SLC35A5: variants seen among roughly 807,000 people sequenced by gnomAD.
SLC35A5 encodes UDP-sugar transporter protein SLC35A5.
SLC35A5 carries 28 observed loss-of-function variants against 36.3 expected under a neutral mutation model. The observed-to-expected ratio is 0.77, with a 90% confidence interval of 0.57 to 1.06. SLC35A5 has a LOEUF of 1.06. SLC35A5 is among the 50% of genes least tolerant of loss of function. SLC35A5 has a pLI of 0.00. For synonymous variants in SLC35A5, 180 were observed against 173.7 expected (o/e 1.04, Z -0.29); for missense variants, 521 against 499.3 (o/e 1.04, Z -0.41).
intron 2 of SLC35A5, among the ~76,000 whole-genome samples, chr3:112,565,866 C>A (rs568734715): frequency 1.3e-5 from 2 of 152,242 alleles, no homozygotes; most frequent in Admixed American, 1.3e-4. Context: ...TTAAGGACTT[C>A]ATATTCCATG....
intron 2 of SLC35A5, among the ~76,000 whole-genome samples, chr3:112,568,910 C>T (rs549967256): frequency 2.0e-5 from 3 of 152,272 alleles, no homozygotes; most frequent in African/African-American, 7.2e-5. Context: ...GTCCTAGCCT[C>T]CTTAATGTAT....
chr3:112,580,876 A>G lies in SLC35A5; in HGVS notation c.759A>G (p.Ile253Met). 1 of 1,614,182 alleles carries G rather than the reference A, an allele frequency of 6.2e-7. No individual in the cohort carries two copies. The highest frequency in any genetic ancestry group is 8.5e-7 in the Non-Finnish European group (1 of 1,180,002). Reference sequence around the variant, plus strand: ...TGGCTAATATCTATAATGAAAAGATACTGAAGGAAGGGAACCAGCTCACTG... The same window carrying G: ...TGGCTAATATCTATAATGAAAAGATGCTGAAGGAAGGGAACCAGCTCACTG... Reference protein sequence around the residue: ...SSMANIYNEKILKEGNQLTES... With the variant: ...SSMANIYNEKMLKEGNQLTES... The change falls in exon 6 of 7, where the codon ATA becomes ATG. Residue 253 changes from isoleucine to methionine, a missense_variant. Coordinates refer to ENST00000492406, the MANE Select transcript of SLC35A5 (RefSeq NM_017945.5).
intron 5 of SLC35A5, among the ~76,000 whole-genome samples, chr3:112,578,609 C>T (rs2107443905): frequency 6.6e-6 from 1 of 152,242 alleles, no homozygotes. Flanking sequence ...ATTTATTAAG[C>T]TTTATTTTCT....
At position 112,580,914 on chromosome 3, in the gene SLC35A5, T is replaced by C. The variant is rs778077827; in HGVS notation, c.797T>C (p.Ile266Thr). The change falls in exon 6 of 7, where the codon ATA (isoleucine) becomes ACA (threonine). Residue 266 changes from isoleucine to threonine, a missense_variant. Transcript: ENST00000492406. ...AACCAGCTCACTGAAAGCATCTTCA[T>C]ACAGAACAGCAAACTCTATTTCTTT... ...EGNQLTESIF[I>T]QNSKLYFFGI... is the part of the protein sequence containing the mutation. 22 of 1,614,038 alleles carry C rather than the reference T, an allele frequency of 1.4e-5. No homozygotes were observed. The South Asian group carries it at 2.4e-4, about 18-fold the overall frequency.
At chr3:112,568,901 T>G (rs1934313374) in intron 2 of SLC35A5, among the ~76,000 whole-genome samples, 1 of 152,192 alleles carries the variant, frequency 6.6e-6, no homozygotes, top group Non-Finnish European at 1.5e-5. Flanking sequence ...TTGCCCTTAG[T>G]CCTAGCCTCC....
chr3:112,576,284 C>T (rs1328530254), intron 5 of SLC35A5, among the ~76,000 whole-genome samples: 7 of 152,018 alleles, frequency 4.6e-5, no homozygotes, highest in African/African-American at 7.3e-5. Context: ...CGTGCCACCA[C>T]GCCTGGCTAA....
chr3:112,582,605 G>T, intron 6 of SLC35A5, 66 bp from the exon 7 acceptor site: 1 of 142,276 alleles, frequency 7.0e-6, no homozygotes, highest in Non-Finnish European at 1.2e-5. Context: ...TGTTAGTAAG[G>T]TTTTCCCTTT....
At chr3:112,581,941 C>T (rs911846224) in intron 6 of SLC35A5, among the ~76,000 whole-genome samples, 1 of 152,250 alleles carries the variant, frequency 6.6e-6, no homozygotes, top group Middle Eastern at 3.4e-3. Flanking sequence ...AATGCTTATG[C>T]AATTATTCCG....
At chr3:112,581,811 C>T (rs1013962278) in intron 6 of SLC35A5, among the ~76,000 whole-genome samples, 3 of 152,174 alleles carry the variant, frequency 2.0e-5, no homozygotes, top group Non-Finnish European at 4.4e-5. Flanking sequence ...GCTCCTCAGT[C>T]CTCCCTGTGG....
At chr3:112,578,389 A>G (rs749050753) in intron 5 of SLC35A5, among the ~76,000 whole-genome samples, 14 of 152,226 alleles carry the variant, frequency 9.2e-5, no homozygotes, top group Non-Finnish European at 1.9e-4. Context: ...TTCTGTGGGC[A>G]AACAATTCAC....
In SLC35A5 at chr3:112,582,725, G is replaced by A; in HGVS notation, c.1264G>A (p.Asp422Asn). ...ACCCAAGAGTGATGAGTCAGATGAA[G>A]ATACTTTCTAACTGGTACCCACATA... ...TKPKSDESDE[D>N]TF Residue 422 changes from aspartate to asparagine, a missense_variant, in exon 7 of 7, where the codon GAT becomes AAT. Transcript: ENST00000492406. 6.2e-7 allele frequency: 1 copy of A among 1,611,964 alleles called. No individual in the cohort carries two copies. Among genetic ancestry groups the A allele is most frequent in the South Asian group, 1.1e-5 (1 of 90,936 alleles).
chr3:112,573,880 T>G lies in SLC35A5; in HGVS notation c.361-9T>G. 6.2e-7 allele frequency: 1 copy of G among 1,609,114 alleles called. No homozygotes were observed. Among genetic ancestry groups the G allele is most frequent in the Non-Finnish European group, 8.5e-7 (1 of 1,175,572 alleles). On this transcript the variant is annotated splice_polypyrimidine_tract_variant and intron_variant, in intron 4 of 6. Transcript: ENST00000492406. ...TTGGATTGTAACTCTATCTTCTCTT[T>G]CTTTCTAGGCCATGGCTGTTATCTT...
chr3:112,581,221 C>T lies in SLC35A5; in HGVS notation c.1104C>T (p.Leu368=), dbSNP rs1934904218. ...TCTTGGAAGCCCCATCAGTCCTTCT[C>T]TCTATATTTATTTATAATGCCAGCA... is the stretch of plus-strand genomic sequence containing the variant. The part of the protein sequence containing the change: ...EFFLEAPSVL[L]SIFIYNASKP... Residue 368 remains leucine, a synonymous_variant, in exon 6 of 7, where the codon CTC becomes CTT. Coordinates refer to ENST00000492406, the MANE Select transcript of SLC35A5 (RefSeq NM_017945.5). 2 of 1,613,740 alleles carry T rather than the reference C, an allele frequency of 1.2e-6. No individual in the cohort carries two copies. Among genetic ancestry groups the T allele is most frequent in the Non-Finnish European group, 1.7e-6 (2 of 1,179,908 alleles).
chr3:112,561,405 T>C (rs2107399529), upstream of SLC35A5: 2 of 1,584,952 alleles, frequency 1.3e-6, no homozygotes, highest in Non-Finnish European at 1.7e-6. Flanking sequence ...GCCTGGTCCC[T>C]GAAAAGTCGA....
chr3:112,568,868 G>A (rs1292491471), intron 2 of SLC35A5, among the ~76,000 whole-genome samples: 1 of 152,194 alleles, frequency 6.6e-6, no homozygotes, highest in Non-Finnish European at 1.5e-5. Context: ...GGCAGCCTCT[G>A]ATGCCATGCC....
intron 5 of SLC35A5, among the ~76,000 whole-genome samples, chr3:112,580,231 GT>G (rs1483815768): frequency 1.3e-5 from 2 of 152,184 alleles, no homozygotes; most frequent in African/African-American, 2.4e-5. Flanking sequence ...TACAATAAAA[GT>G]TACTGTGCCA....
intron 5 of SLC35A5, among the ~76,000 whole-genome samples, chr3:112,579,494 A>G (rs185826187): frequency 1.1e-4 from 17 of 152,068 alleles, no homozygotes; most frequent in Middle Eastern, 3.4e-3. Context: ...GACAACGCCA[A>G]TGAAAGTGAG....
chr3:112,577,413 G>A (rs1462729354), intron 5 of SLC35A5, among the ~76,000 whole-genome samples: 2 of 152,116 alleles, frequency 1.3e-5, no homozygotes, highest in African/African-American at 4.8e-5. Flanking sequence ...CAAACTTTAT[G>A]TGAATGTATA....
At chr3:112,580,015 A>G (rs1037214878) in intron 5 of SLC35A5, among the ~76,000 whole-genome samples, 1 of 152,244 alleles carries the variant, frequency 6.6e-6, no homozygotes, top group African/African-American at 2.4e-5. Flanking sequence ...TTTGCTGTTT[A>G]ATGCTCTACG....
Sources: gnomAD v4.1 joint callset for allele counts (sites outside exome capture counted in the v4.1 genomes callset) on GRCh38, gnomAD v4.1.1 for gene constraint, MANE v1.5 for transcripts, NCBI Gene and HGNC (gene_info 2026-07-23, HGNC 2026-07-21) for gene names.